LINGO2: variants seen among roughly 807,000 people sequenced by gnomAD.
The protein encoded by LINGO2 is leucine-rich repeat and immunoglobulin-like domain-containing nogo receptor-interacting protein 2.
LINGO2 carries 14 observed loss-of-function variants against 30.6 expected under a neutral mutation model. That is an observed-to-expected ratio of 0.46 (90% CI 0.30 to 0.72). The LOEUF (loss-of-function observed/expected upper bound fraction) is 0.72, where lower values mean the gene tolerates loss of function less well. Ranked by LOEUF, LINGO2 falls within the 30% of genes least tolerant of loss-of-function variation. The pLI, the probability that LINGO2 is intolerant of heterozygous loss-of-function variation, is 0.07. For synonymous variants in LINGO2, 317 were observed against 288.5 expected (o/e 1.10, Z -1.00); for missense variants, 729 against 751.7 (o/e 0.97, Z 0.35).
At chr9:28,620,774 G>A (rs1021608958) in intron 1 of LINGO2, among the ~76,000 whole-genome samples, 22 of 152,016 alleles carry the variant, frequency 1.4e-4, no homozygotes, top group African/African-American at 5.3e-4. Flanking sequence ...GGAGCTAAAT[G>A]ATGAGAACAC....
chr9:28,825,158 A>G, the LINGO2 span, among the ~76,000 whole-genome samples: 6 of 152,080 alleles, frequency 3.9e-5, no homozygotes, highest in Admixed American at 1.3e-4. Flanking sequence ...TCTCATTATA[A>G]AGCAAAAGTT....
the LINGO2 span, among the ~76,000 whole-genome samples, chr9:28,925,089 A>T: frequency 6.6e-6 from 1 of 152,218 alleles, no homozygotes; most frequent in Admixed American, 6.5e-5. Context: ...TGATTTTATC[A>T]TCCCACATTG....
intron 1 of LINGO2, among the ~76,000 whole-genome samples, chr9:28,553,028 G>C (rs931092200): frequency 6.6e-6 from 1 of 151,726 alleles, no homozygotes; most frequent in Non-Finnish European, 1.5e-5. Context: ...TAGTCTCTTT[G>C]GTATAACATG....
the LINGO2 span, among the ~76,000 whole-genome samples, chr9:29,013,238 A>G: frequency 6.6e-6 from 1 of 152,290 alleles, no homozygotes; most frequent in Admixed American, 6.5e-5. Flanking sequence ...TCACTTTTTC[A>G]GACCTCTTGG....
the LINGO2 span, among the ~76,000 whole-genome samples, chr9:29,039,429 C>T: frequency 6.6e-6 from 1 of 151,970 alleles, no homozygotes; most frequent in Non-Finnish European, 1.5e-5. Context: ...AGGGATGAGT[C>T]ATTGATATTT....
At chr9:28,555,505 A>G (rs1253182846) in intron 1 of LINGO2, among the ~76,000 whole-genome samples, 2 of 151,950 alleles carry the variant, frequency 1.3e-5, no homozygotes, top group African/African-American at 2.4e-5. Flanking sequence ...GCAATAATCA[A>G]TAGCTTACCA....
In LINGO2 at chr9:28,651,034, CA is replaced by C. The variant is rs530367822; in HGVS notation, c.-365+19165del. Among the ~76,000 whole-genome samples the C allele has an allele frequency of 1.3e-4, 19 of 151,704 alleles. No homozygotes were observed. The East Asian group carries it at 3.1e-3, about 25-fold the overall frequency. ...TGAAACCCTGTCTCCATTAAAAATA[CA>C]AAAAAATTAGCCGGGCATGGTGGTG... On this transcript the variant is annotated intron_variant, in intron 1 of 5. Transcript: ENST00000379992.
chr9:29,107,540 GT>G, the LINGO2 span, among the ~76,000 whole-genome samples: 1 of 152,024 alleles, frequency 6.6e-6, no homozygotes, highest in East Asian at 1.9e-4. Flanking sequence ...CAAAATGATT[GT>G]CTTTTAAAAT....
chr9:29,019,112 A>C, the LINGO2 span, among the ~76,000 whole-genome samples: 5 of 152,132 alleles, frequency 3.3e-5, no homozygotes, highest in African/African-American at 1.2e-4. Flanking sequence ...TCTATTTTAA[A>C]AATATAAAAT....
At chr9:29,140,915 T>C in the LINGO2 span, among the ~76,000 whole-genome samples, 1 of 151,802 alleles carries the variant, frequency 6.6e-6, no homozygotes, top group South Asian at 2.1e-4. Flanking sequence ...CAATGGAAAA[T>C]ACTGTACCCC....
At chr9:28,797,353 T>TAGAGAGAGAGAG in the LINGO2 span, among the ~76,000 whole-genome samples, 301 of 60,858 alleles carry the variant, frequency 4.9e-3, 1 homozygote, top group Non-Finnish European at 6.2e-3. Flanking sequence ...TATATATATA[T>TAGAGAGAGAGAG]ATATATAGAG....
intron 2 of LINGO2, among the ~76,000 whole-genome samples, chr9:28,380,532 C>A (rs1821313558): frequency 6.6e-6 from 1 of 151,658 alleles, no homozygotes; most frequent in Admixed American, 6.6e-5. Context: ...GTTCAGTGAT[C>A]AGAGAATGAA....
intron 3 of LINGO2, among the ~76,000 whole-genome samples, chr9:28,314,846 G>A (rs906650802): frequency 3.3e-5 from 5 of 151,802 alleles, no homozygotes; most frequent in African/African-American, 7.2e-5. Flanking sequence ...TTAGCCGGGC[G>A]TGGTGGCGGG....
At chr9:28,689,846 T>TA in the LINGO2 span, among the ~76,000 whole-genome samples, 1 of 152,140 alleles carries the variant, frequency 6.6e-6, no homozygotes, top group African/African-American at 2.4e-5. Flanking sequence ...ATAGACTGGA[T>TA]AAAAAAATGT....
chr9:28,178,264 C>T (rs949901768), intron 4 of LINGO2, among the ~76,000 whole-genome samples: 2 of 152,034 alleles, frequency 1.3e-5, no homozygotes, highest in South Asian at 2.1e-4. Flanking sequence ...GACTTAGAGA[C>T]GGTAGCGTAT....
chr9:28,810,073 T>G, the LINGO2 span, among the ~76,000 whole-genome samples: 1 of 152,176 alleles, frequency 6.6e-6, no homozygotes, highest in Non-Finnish European at 1.5e-5. Context: ...CATTTACTCT[T>G]GTTTATTTTG....
chr9:28,022,586 T>TC (rs1823184521), intron 4 of LINGO2, among the ~76,000 whole-genome samples: 1 of 151,806 alleles, frequency 6.6e-6, no homozygotes, highest in Admixed American at 6.6e-5. Context: ...GTGGACTTTT[T>TC]CCCTTTCAAC....
chr9:29,090,532 T>G, the LINGO2 span, among the ~76,000 whole-genome samples: 13 of 152,098 alleles, frequency 8.5e-5, no homozygotes, highest in African/African-American at 2.9e-4. Flanking sequence ...ACAGATCAAG[T>G]CCTAAATTAC....
chr9:29,077,533 T>C, the LINGO2 span, among the ~76,000 whole-genome samples: 4 of 152,200 alleles, frequency 2.6e-5, no homozygotes, highest in South Asian at 8.3e-4. Context: ...ATTTACTGCT[T>C]GTTAAATCAA....
Sources: allele counts gnomAD v4.1 joint callset (sites outside exome capture counted in the v4.1 genomes callset), GRCh38; gene constraint gnomAD v4.1.1; transcripts MANE v1.5; gene names NCBI Gene and HGNC (gene_info 2026-07-23, HGNC 2026-07-21).